The following FHAD1 variants were observed in gnomAD, a reference collection of about 807,000 sequenced individuals.
The protein encoded by FHAD1 is forkhead associated phosphopeptide binding domain 1.
FHAD1 carries 146 observed loss-of-function variants against 191.3 expected under a neutral mutation model. The observed-to-expected ratio is 0.76, with a 90% confidence interval of 0.67 to 0.88. The LOEUF (loss-of-function observed/expected upper bound fraction) is 0.88, where lower values mean the gene tolerates loss of function less well. FHAD1 is among the 40% of genes least tolerant of loss of function. FHAD1 has a pLI of 0.00. For missense variants in FHAD1, 1,635 were observed against 1,785.8 expected, an observed-to-expected ratio of 0.92 and a Z score of 1.52; for synonymous variants, 616 against 672.3, an observed-to-expected ratio of 0.92 and a Z score of 1.29.
intron 2 of FHAD1, among the ~76,000 whole-genome samples, chr1:15,268,448 A>G (rs949291153): frequency 2.3e-4 from 32 of 142,052 alleles, no homozygotes; most frequent in Non-Finnish European, 3.2e-4. Context: ...TAGTGCTGCA[A>G]TAAACATACG....
At chr1:15,377,252 G>A (rs1047055903) in intron 28 of FHAD1, among the ~76,000 whole-genome samples, 5 of 152,168 alleles carry the variant, frequency 3.3e-5, no homozygotes, top group African/African-American at 7.2e-5. Context: ...TCCAGGAAGA[G>A]GGTCTTTGGA....
At chr1:15,377,205 A>G (rs945616827) in intron 28 of FHAD1, among the ~76,000 whole-genome samples, 2 of 152,220 alleles carry the variant, frequency 1.3e-5, no homozygotes, top group African/African-American at 4.8e-5. Flanking sequence ...AGGCTATCCT[A>G]CATTCTCTTG....
At chr1:15,283,156 T>C (rs1403747809) in intron 3 of FHAD1, among the ~76,000 whole-genome samples, 1 of 152,228 alleles carries the variant, frequency 6.6e-6, no homozygotes, top group Non-Finnish European at 1.5e-5. Flanking sequence ...TTTCAGGTAG[T>C]TGGGTCATTG....
At chr1:15,360,212 G>C (rs1249670420) in intron 21 of FHAD1, among the ~76,000 whole-genome samples, 1 of 152,342 alleles carries the variant, frequency 6.6e-6, no homozygotes, top group East Asian at 1.9e-4. Context: ...ACAGACGCTG[G>C]AACAGAAAGT....
downstream of FHAD1, among the ~76,000 whole-genome samples, chr1:15,402,524 T>C (rs944811206): frequency 6.6e-6 from 1 of 152,226 alleles, no homozygotes; most frequent in African/African-American, 2.4e-5. Context: ...CATGCAGCAA[T>C]GACCCGCTTC....
Position 15,316,695 on chromosome 1 carries a change from C to T in FHAD1, c.1260+228C>T, listed in dbSNP as rs1256143326. 6.6e-6 allele frequency among the ~76,000 whole-genome samples: 1 copy of T among 152,126 alleles called. No individual in the cohort carries two copies. Among genetic ancestry groups the T allele is most frequent in the Non-Finnish European group, 1.5e-5 (1 of 68,020 alleles). On this transcript the variant is annotated intron_variant, in intron 9 of 33. Transcript: ENST00000688493. The surrounding 1 kb of genome is among the most constrained non-coding windows in gnomAD (Gnocchi z 4.3). ...TGGCTCTAGCTCCCTCAAGGGTTTC[C>T]CCTGGGGCCAGGTTGGGGTTGAGAC...
intron 19 of FHAD1, among the ~76,000 whole-genome samples, chr1:15,349,631 C>A (rs1690131502): frequency 6.6e-6 from 1 of 152,222 alleles, no homozygotes; most frequent in Non-Finnish European, 1.5e-5. Flanking sequence ...CCGGAGCAGG[C>A]CCTCCCTTGA....
At position 15,325,552 on chromosome 1, in the gene FHAD1, GC is replaced by G. The variant is rs1310005792; in HGVS notation, c.1473+995del. The stretch of plus-strand genomic sequence containing the variant: ...AATTCAAATATTCACCACTGTAACC[GC>G]CAGCACCATTTCTCCTGTGGGGGCG... On this transcript the variant is annotated intron_variant, in intron 11 of 33. Coordinates refer to ENST00000688493, the MANE Select transcript of FHAD1 (RefSeq NM_001391957.1). This position sits in a 1 kb window ranked among gnomAD's most constrained non-coding sequence, Gnocchi z 4.6. 1 of 152,490 alleles carries G rather than the reference GC, an allele frequency of 6.6e-6. No individual in the cohort carries two copies. The highest frequency in any genetic ancestry group is 2.4e-5 in the African/African-American group (1 of 41,442). The allele number at this position is 152,490 out of a possible 1,614,324, so 9.4% of individuals were successfully genotyped here.
chr1:15,369,575 T>G lies in FHAD1; in HGVS notation c.3447+73T>G, dbSNP rs1311659580. 2.7e-6 allele frequency: 4 copies of G among 1,484,268 alleles called. No homozygotes were observed. In the Admixed American group the frequency reaches 8.8e-5, roughly 33 times the overall value. The allele number at this position is 1,484,268 out of a possible 1,614,324, so 91.9% of individuals were successfully genotyped here. ...GCCCAGTGGTGGCTGTCTTTCCTTT[T>G]GAAGACACTTTCATTCTAAGTTCCA... On this transcript the variant is annotated intron_variant, in intron 26 of 33. Coordinates refer to ENST00000688493, the MANE Select transcript of FHAD1 (RefSeq NM_001391957.1).
At chr1:15,255,117 T>G (rs1326822951) in intron 2 of FHAD1, among the ~76,000 whole-genome samples, 3 of 46,876 alleles carry the variant, frequency 6.4e-5, no homozygotes, top group African/African-American at 2.0e-4. Context: ...AGTTCAGGAA[T>G]CTTAAAAAAG....
At chr1:15,348,505 C>T (rs949018830) in intron 18 of FHAD1, among the ~76,000 whole-genome samples, 4 of 152,218 alleles carry the variant, frequency 2.6e-5, no homozygotes, top group Non-Finnish European at 4.4e-5. Context: ...CACTTTCTTC[C>T]CTACATCCTA....
chr1:15,315,975 T>A (rs1187881844), intron 8 of FHAD1, among the ~76,000 whole-genome samples: 1 of 152,148 alleles, frequency 6.6e-6, no homozygotes, highest in East Asian at 1.9e-4. Flanking sequence ...GCTGTTCCAT[T>A]TTCACCGCCG....
At chr1:15,360,760 C>A in intron 22 of FHAD1, 57 bp downstream of exon 22, 1 of 1,411,068 alleles carries the variant, frequency 7.1e-7, no homozygotes, top group Non-Finnish European at 9.8e-7. Flanking sequence ...TCTGATTGTC[C>A]GCTGGGTCCC....
chr1:15,386,857 TTTTG>T, intron 31 of FHAD1, among the ~76,000 whole-genome samples: 1 of 151,812 alleles, frequency 6.6e-6, no homozygotes, highest in Admixed American at 6.6e-5. Context: ...TTCTTTTTTT[TTTTG>T]TTTGTTTGTT....
chr1:15,372,253 C>T (rs1570382219), intron 26 of FHAD1, among the ~76,000 whole-genome samples: 1 of 152,010 alleles, frequency 6.6e-6, no homozygotes, highest in Non-Finnish European at 1.5e-5. Flanking sequence ...AGGGGACCGT[C>T]CCAGGAGGGC....
At chr1:15,386,805 C>G (rs1396238501) in intron 31 of FHAD1, among the ~76,000 whole-genome samples, 1 of 152,106 alleles carries the variant, frequency 6.6e-6, no homozygotes, top group East Asian at 1.9e-4. Context: ...AACACAACCT[C>G]TCAATCGTGC....
chr1:15,357,352 G>A (rs534735637), intron 20 of FHAD1, among the ~76,000 whole-genome samples: 2 of 152,282 alleles, frequency 1.3e-5, no homozygotes, highest in South Asian at 4.1e-4. Flanking sequence ...GGGGCCAGGC[G>A]CGTTGGCACA....
rs1441461945 is a variant in FHAD1, at chr1:15,280,088, G to A, written c.300+7559G>A. Among the ~76,000 whole-genome samples, 3 of 152,236 alleles carry A rather than the reference G, an allele frequency of 2.0e-5. No individual in the cohort carries two copies. The East Asian group carries it at 5.8e-4, about 29-fold the overall frequency. On this transcript the variant is annotated intron_variant, in intron 3 of 33. Transcript: ENST00000688493. ...TATGATGAGAAGGACACAGAGTTGG[G>A]GGTTTAGTCATCCATCCCAGGGAAG... is the stretch of plus-strand genomic sequence containing the variant.
chr1:15,330,525 G>A (rs961540756), intron 14 of FHAD1, among the ~76,000 whole-genome samples: 3 of 152,172 alleles, frequency 2.0e-5, no homozygotes, highest in African/African-American at 7.2e-5. Context: ...ATGGTCTCAG[G>A]GGGAAGGATG....
Sources: allele counts gnomAD v4.1 joint callset (sites outside exome capture counted in the v4.1 genomes callset), GRCh38; gene constraint gnomAD v4.1.1; non-coding constraint Gnocchi (gnomAD v3.1); transcripts MANE v1.5; gene names NCBI Gene and HGNC (gene_info 2026-07-23, HGNC 2026-07-21).